RAPGEF4: variants seen among roughly 807,000 people sequenced by gnomAD.
RAPGEF4 encodes the protein RAP guanine-nucleotide-exchange factor (GEF) 4.
RAPGEF4 carries 66 observed loss-of-function variants against 147.9 expected under a neutral mutation model. The observed-to-expected ratio is 0.45, with a 90% CI of 0.37 to 0.55. The LOEUF (loss-of-function observed/expected upper bound fraction) is 0.55. Ranked by LOEUF, RAPGEF4 falls within the 20% of genes least tolerant of loss-of-function variation. The probability of loss-of-function intolerance (pLI) is 0.00; values close to 1 mark genes in which losing one functional copy is unlikely to be tolerated. For synonymous variants in RAPGEF4, 419 were observed against 442.7 expected (o/e 0.95, Z 0.67); for missense variants, 1,071 against 1,257.3 (o/e 0.85, Z 2.24).
At chr2:172,754,799 T>C (rs1179999867) in intron 1 of RAPGEF4, among the ~76,000 whole-genome samples, 1 of 152,106 alleles carries the variant, frequency 6.6e-6, no homozygotes, top group Non-Finnish European at 1.5e-5. Flanking sequence ...TCCCAGCACT[T>C]TGGGAGGCCG....
At chr2:172,846,437 A>G (rs1450463874) in intron 4 of RAPGEF4, among the ~76,000 whole-genome samples, 1 of 152,212 alleles carries the variant, frequency 6.6e-6, no homozygotes, top group Non-Finnish European at 1.5e-5. Flanking sequence ...AAAATTGCTG[A>G]ATAGTATTTC....
intron 6 of RAPGEF4, among the ~76,000 whole-genome samples, chr2:172,926,048 AGG>A: frequency 2.3e-5 from 1 of 43,042 alleles, no homozygotes; most frequent in South Asian, 1.2e-3. Flanking sequence ...GGAGGGAGGG[AGG>A]GAGGGAGGGA....
At chr2:172,956,716 C>T (rs557324368) in intron 6 of RAPGEF4, among the ~76,000 whole-genome samples, 108 of 152,222 alleles carry the variant, frequency 7.1e-4, no homozygotes, top group Middle Eastern at 3.4e-3. Context: ...GTGATCTGCC[C>T]GCCTCAGCCT....
At chr2:173,022,068 C>T (rs1311893794) in intron 23 of RAPGEF4, among the ~76,000 whole-genome samples, 1 of 152,124 alleles carries the variant, frequency 6.6e-6, no homozygotes, top group Non-Finnish European at 1.5e-5. Context: ...ATAAATGAGT[C>T]GTGCTGCCCT....
At chr2:173,032,972 T>A (rs796431730) in intron 26 of RAPGEF4, among the ~76,000 whole-genome samples, 7 of 152,176 alleles carry the variant, frequency 4.6e-5, no homozygotes, top group African/African-American at 1.7e-4. Context: ...CACAGCTCTA[T>A]CTTGGCTTAG....
chr2:172,979,878 C>T lies in RAPGEF4; in HGVS notation c.1005-3618C>T, dbSNP rs1036045467. Among the ~76,000 whole-genome samples, 7 of 152,194 alleles carry T rather than the reference C, an allele frequency of 4.6e-5. No homozygotes were observed. The East Asian group carries it at 5.8e-4, about 13-fold the overall frequency. ...CCAAAAAATACAAAAATTAGCCAGA[C>T]GTGGTGGCATGTGGCTGTAATCCCA... On this transcript the variant is annotated intron_variant, in intron 10 of 30. Transcript: ENST00000397081.
chr2:172,819,496 C>T (rs796942194), intron 4 of RAPGEF4, among the ~76,000 whole-genome samples: 12 of 99,496 alleles, frequency 1.2e-4, no homozygotes, highest in East Asian at 6.6e-4. Context: ...GACGGAGTCT[C>T]GCTCTGTCGC....
chr2:172,783,622 A>C (rs559631417), intron 1 of RAPGEF4, among the ~76,000 whole-genome samples: 1 of 152,234 alleles, frequency 6.6e-6, no homozygotes, highest in African/African-American at 2.4e-5. Context: ...CTGAATACTG[A>C]CAAAGTCAAG....
At chr2:172,864,733 G>A (rs1019152255) in intron 4 of RAPGEF4, among the ~76,000 whole-genome samples, 1 of 152,154 alleles carries the variant, frequency 6.6e-6, no homozygotes, top group African/African-American at 2.4e-5. Flanking sequence ...GCAAAACCCT[G>A]TCTCTACAAA....
At chr2:172,955,371 A>G (rs1301252302) in intron 6 of RAPGEF4, among the ~76,000 whole-genome samples, 3 of 152,206 alleles carry the variant, frequency 2.0e-5, no homozygotes, top group African/African-American at 7.2e-5. Flanking sequence ...TGAACATAAT[A>G]CAAGGCAGTA....
At chr2:172,966,861 T>C (rs1158541704) in intron 9 of RAPGEF4, among the ~76,000 whole-genome samples, 4 of 152,246 alleles carry the variant, frequency 2.6e-5, no homozygotes, top group Non-Finnish European at 5.9e-5. Flanking sequence ...CAAGGCAGAT[T>C]GTTTTCAAAG....
intron 6 of RAPGEF4, among the ~76,000 whole-genome samples, chr2:172,952,611 C>G (rs1049096006): frequency 6.6e-6 from 1 of 152,120 alleles, no homozygotes; most frequent in Non-Finnish European, 1.5e-5. Flanking sequence ...AATCTAGGCT[C>G]GATCAAGCCA....
intron 9 of RAPGEF4, among the ~76,000 whole-genome samples, chr2:172,966,181 C>G (rs903720263): frequency 1.3e-5 from 2 of 152,192 alleles, no homozygotes; most frequent in Admixed American, 1.3e-4. Context: ...GCAATTGTGG[C>G]TCTTGATAAC....
chr2:172,852,850 G>A (rs1693012822), intron 4 of RAPGEF4, among the ~76,000 whole-genome samples: 1 of 151,976 alleles, frequency 6.6e-6, no homozygotes, highest in African/African-American at 2.4e-5. Context: ...GTTGTCAAAT[G>A]CTGTTTCTGA....
chr2:172,922,156 TTTCACGGAAA>T, intron 5 of RAPGEF4, 115 bp from the exon 6 acceptor site: 1 of 880,890 alleles, frequency 1.1e-6, no homozygotes, highest in Non-Finnish European at 1.9e-6. Flanking sequence ...TTATGTAAGT[TTTCACGGAAA>T]TGCAAATTGA....
At chr2:172,788,103 G>A (rs948957717) in intron 1 of RAPGEF4, among the ~76,000 whole-genome samples, 9 of 152,082 alleles carry the variant, frequency 5.9e-5, no homozygotes, top group Admixed American at 1.3e-4. Flanking sequence ...TAGTCTCTGG[G>A]GTCTCTTATA....
intron 6 of RAPGEF4, among the ~76,000 whole-genome samples, chr2:172,950,053 T>C (rs1688056471): frequency 6.6e-6 from 1 of 152,260 alleles, no homozygotes; most frequent in Non-Finnish European, 1.5e-5. Context: ...AAATTTGTTC[T>C]CTATACTTAG....
At chr2:173,021,546 C>T (rs1222466779) in intron 23 of RAPGEF4, among the ~76,000 whole-genome samples, 2 of 152,088 alleles carry the variant, frequency 1.3e-5, no homozygotes, top group African/African-American at 4.8e-5. Context: ...CAAGATGGCG[C>T]CACTGCACTC....
chr2:173,047,736 G>A (rs1446299375), intron 29 of RAPGEF4, among the ~76,000 whole-genome samples: 1 of 151,744 alleles, frequency 6.6e-6, no homozygotes, highest in Non-Finnish European at 1.5e-5. Flanking sequence ...GAGTGCAGTG[G>A]CGCGATCTCG....
Sources: gnomAD v4.1 joint callset for allele counts (sites outside exome capture counted in the v4.1 genomes callset) on GRCh38, gnomAD v4.1.1 for gene constraint, MANE v1.5 for transcripts, NCBI Gene and HGNC (gene_info 2026-07-23, HGNC 2026-07-21) for gene names.